Variants in CAMK2D observed in about 807,000 individuals in gnomAD.
The protein encoded by CAMK2D is calcium/calmodulin-dependent protein kinase type II subunit delta.
CAMK2D carries 37 observed loss-of-function variants against 84.0 expected under a neutral mutation model. That is an observed-to-expected ratio of 0.44 (90% CI 0.34 to 0.58). CAMK2D has a LOEUF of 0.58. Among genes scored for constraint, CAMK2D ranks in the 20% least tolerant of loss-of-function variants. The pLI, the probability that CAMK2D is intolerant of heterozygous loss-of-function variation, is 0.02. For synonymous variants in CAMK2D, 202 were observed against 212.5 expected (o/e 0.95, Z 0.43); for missense variants, 448 against 652.5 (o/e 0.69, Z 3.41).
chr4:113,496,090 C>A (rs979399319), intron 16 of CAMK2D, among the ~76,000 whole-genome samples: 2 of 152,178 alleles, frequency 1.3e-5, no homozygotes, highest in African/African-American at 4.8e-5. Flanking sequence ...GCTACAGCCA[C>A]AAACCAAAGG....
chr4:113,623,788 A>G (rs1201499185), intron 3 of CAMK2D, among the ~76,000 whole-genome samples: 1 of 151,880 alleles, frequency 6.6e-6, no homozygotes, highest in Admixed American at 6.6e-5. Flanking sequence ...TAAATATATC[A>G]TGTTATATGA....
At chr4:113,725,282 G>A (rs940847934) in intron 2 of CAMK2D, among the ~76,000 whole-genome samples, 6 of 152,002 alleles carry the variant, frequency 3.9e-5, no homozygotes, top group Non-Finnish European at 5.9e-5. Context: ...ACATAATTAT[G>A]TAAAGATACA....
intron 15 of CAMK2D, among the ~76,000 whole-genome samples, chr4:113,502,418 T>C (rs1028968331): frequency 4.8e-5 from 5 of 104,882 alleles, no homozygotes; most frequent in African/African-American, 1.9e-4. Flanking sequence ...ATAACAACAA[T>C]AACAACATCA....
chr4:113,583,131 T>C (rs1372867060), intron 4 of CAMK2D, among the ~76,000 whole-genome samples: 1 of 152,236 alleles, frequency 6.6e-6, no homozygotes, highest in East Asian at 1.9e-4. Context: ...TCTTGAGTGT[T>C]GCCCTCAGTC....
chr4:113,540,851 G>A (rs1385648895), intron 6 of CAMK2D, among the ~76,000 whole-genome samples: 1 of 152,112 alleles, frequency 6.6e-6, no homozygotes, highest in Admixed American at 6.6e-5. Context: ...TATATATTGA[G>A]AGGATCTTTA....
intron 3 of CAMK2D, among the ~76,000 whole-genome samples, chr4:113,647,129 T>C (rs992575592): frequency 6.6e-6 from 1 of 152,216 alleles, no homozygotes; most frequent in Non-Finnish European, 1.5e-5. Flanking sequence ...ACTAAATTAT[T>C]CTATTATATT....
chr4:113,612,311 A>G (rs925589890), intron 3 of CAMK2D, among the ~76,000 whole-genome samples: 1 of 152,104 alleles, frequency 6.6e-6, no homozygotes, highest in African/African-American at 2.4e-5. Context: ...TTCATTTCCT[A>G]TTCTTTTTTT....
At chr4:113,654,947 C>T (rs554892915) in intron 3 of CAMK2D, among the ~76,000 whole-genome samples, 36 of 151,788 alleles carry the variant, frequency 2.4e-4, no homozygotes, top group Middle Eastern at 6.8e-3. Flanking sequence ...TTGTTGAATA[C>T]GCACATCTCA....
Position 113,599,305 on chromosome 4 carries a change from C to T in CAMK2D, c.275+9847G>A, listed in dbSNP as rs558889975. Among the ~76,000 whole-genome samples the T allele has an allele frequency of 3.9e-5, 6 of 152,274 alleles. No individual in the cohort carries two copies. The South Asian group carries it at 1.2e-3, about 32-fold the overall frequency. ...TTTTAGAAAACTAAATATACACTTA[C>T]AACATGATTCATCAGCAGCACATTT... On this transcript the variant is annotated intron_variant, in intron 4 of 20. Coordinates refer to ENST00000511664, the MANE Select transcript of CAMK2D (RefSeq NM_001321571.2).
At chr4:113,734,703 G>A (rs762834017) in intron 2 of CAMK2D, among the ~76,000 whole-genome samples, 16 of 152,096 alleles carry the variant, frequency 1.1e-4, no homozygotes, top group Middle Eastern at 3.4e-3. Flanking sequence ...TCATAATCAA[G>A]ATACAACAAA....
intron 4 of CAMK2D, among the ~76,000 whole-genome samples, chr4:113,576,507 G>C (rs2098783324): frequency 6.6e-6 from 1 of 151,640 alleles, no homozygotes; most frequent in African/African-American, 2.4e-5. Context: ...ATCTAGAAGA[G>C]TGTGTGTGTG....
intron 2 of CAMK2D, among the ~76,000 whole-genome samples, chr4:113,704,838 C>G (rs967207636): frequency 2.0e-5 from 3 of 151,926 alleles, no homozygotes; most frequent in African/African-American, 4.8e-5. Context: ...ATTAACGAGG[C>G]TTTTACAGTT....
At chr4:113,648,612 C>T (rs941245071) in intron 3 of CAMK2D, among the ~76,000 whole-genome samples, 1 of 152,204 alleles carries the variant, frequency 6.6e-6, no homozygotes, top group African/African-American at 2.4e-5. Context: ...GGGGAAAAAG[C>T]ACCCTAGAAA....
At chr4:113,505,147 G>A in intron 13 of CAMK2D, 112 bp from the exon 14 acceptor site, 1 of 507,050 alleles carries the variant, frequency 2.0e-6, no homozygotes, top group Non-Finnish European at 3.4e-6. Flanking sequence ...AAGAGCCACT[G>A]AAGATGAACG....
chr4:113,638,692 T>G (rs554752282), intron 3 of CAMK2D, among the ~76,000 whole-genome samples: 1 of 152,268 alleles, frequency 6.6e-6, no homozygotes, highest in South Asian at 2.1e-4. Flanking sequence ...ACTCAGCTTT[T>G]GTGCAAGCAA....
intron 2 of CAMK2D, among the ~76,000 whole-genome samples, chr4:113,675,176 AT>A (rs2099313268): frequency 2.0e-5 from 3 of 152,148 alleles, no homozygotes; most frequent in Admixed American, 2.0e-4. Flanking sequence ...TAAAAATCTC[AT>A]TGTAAAACAT....
intron 10 of CAMK2D, among the ~76,000 whole-genome samples, chr4:113,514,578 G>C (rs1459085756): frequency 2.0e-5 from 3 of 152,030 alleles, no homozygotes; most frequent in African/African-American, 7.3e-5. Flanking sequence ...ATTTACTGAA[G>C]TCTCCAGATC....
intron 11 of CAMK2D, 68 bp from the exon 12 acceptor site, chr4:113,513,438 G>GTCTT: frequency 1.1e-6 from 1 of 949,462 alleles, no homozygotes; most frequent in Non-Finnish European, 1.7e-6. Context: ...CAAATATAGA[G>GTCTT]TCTTTGATAA....
chr4:113,515,256 C>G, intron 9 of CAMK2D, 65 bp from the exon 10 acceptor site: 1 of 1,071,904 alleles, frequency 9.3e-7, no homozygotes, highest in Non-Finnish European at 1.4e-6. Flanking sequence ...AGGGAAGAGT[C>G]AACTACATGA....
Sources: gnomAD v4.1 joint callset for allele counts (sites outside exome capture counted in the v4.1 genomes callset) on GRCh38, gnomAD v4.1.1 for gene constraint, MANE v1.5 for transcripts, NCBI Gene and HGNC (gene_info 2026-07-23, HGNC 2026-07-21) for gene names.